Variants in ECH1 observed in about 807,000 individuals in gnomAD.
The protein encoded by ECH1 is delta(3,5)-Delta(2,4)-dienoyl-CoA isomerase, mitochondrial.
In ECH1, 30 loss-of-function variants were observed where a neutral mutation model predicts 37.0. That is an observed-to-expected ratio of 0.81 (90% CI 0.61 to 1.10). The LOEUF (loss-of-function observed/expected upper bound fraction) is 1.10. Among genes scored for constraint, ECH1 ranks in the 50% least tolerant of loss-of-function variants. The pLI is 0.00. For synonymous variants in ECH1, 178 were observed against 176.0 expected, an observed-to-expected ratio of 1.01 and a Z score of -0.09; for missense variants, 456 against 441.6, an observed-to-expected ratio of 1.03 and a Z score of -0.29.
intron 3 of ECH1, 118 bp downstream of exon 3, chr19:38,830,960 A>G (rs1324721971): frequency 6.2e-6 from 6 of 967,800 alleles, no homozygotes; most frequent in Non-Finnish European, 6.0e-6. Context: ...GTCTCAAAAA[A>G]AAAAAAAAAA....
At chr19:38,821,059 G>C (rs1353497574) in intron 3 of ECH1, among the ~76,000 whole-genome samples, 1 of 152,184 alleles carries the variant, frequency 6.6e-6, no homozygotes, top group Admixed American at 6.5e-5. Context: ...CAGGAGGATC[G>C]CTTTAGATCA....
chr19:38,825,846 A>G (rs1360292162), intron 3 of ECH1, among the ~76,000 whole-genome samples: 1 of 152,212 alleles, frequency 6.6e-6, no homozygotes, highest in East Asian at 1.9e-4. Context: ...CCAGCGGACG[A>G]AGGTTCCCTA....
At chr19:38,816,103 C>A in intron 8 of ECH1, 96 bp from the exon 9 acceptor site, 2 of 1,550,100 alleles carry the variant, frequency 1.3e-6, no homozygotes, top group South Asian at 1.2e-5. Flanking sequence ...GAGGAAGGCC[C>A]AAGACCCCAG....
chr19:38,819,458 A>C (rs1971630178), intron 3 of ECH1, among the ~76,000 whole-genome samples: 1 of 151,932 alleles, frequency 6.6e-6, no homozygotes, highest in Non-Finnish European at 1.5e-5. Context: ...TCCTATAATT[A>C]GGTCCTTATC....
In ECH1 at chr19:38,817,572, A is replaced by G. The variant is rs760458997; in HGVS notation, c.353T>C (p.Ile118Thr). The change falls in exon 4 of 10, where the codon ATT (isoleucine) becomes ACT (threonine). Residue 118 changes from isoleucine (I) to threonine (T), a missense_variant. Physicochemically the swap from Ile to Thr is moderately conservative, Grantham distance 89 (BLOSUM62 -1). Transcript: ENST00000221418. ...SGAGKMFTAG[I>T]DLMDMASDIL... Reference sequence around the variant, plus strand: ...GTCCGAAGCCATGTCCATCAGGTCAATACCTGGTGAGAAGGCATGATGGAG... The same window carrying G: ...GTCCGAAGCCATGTCCATCAGGTCAGTACCTGGTGAGAAGGCATGATGGAG... 1.3e-5 allele frequency: 20 copies of G among 1,595,968 alleles called. No homozygotes were observed. Among genetic ancestry groups the G allele is most frequent in the Admixed American group, 1.7e-5 (1 of 59,616 alleles).
chr19:38,831,183 G>T lies in ECH1; in HGVS notation c.261-17C>A, dbSNP rs1225182879. On this transcript the variant is annotated splice_polypyrimidine_tract_variant and intron_variant, in intron 2 of 9. Coordinates refer to ENST00000221418, the MANE Select transcript of ECH1 (RefSeq NM_001398.3). ...ACCATCTCTCTGTGAAGCAACGAGTGAAGGGTTACAAATGGGGCGGGAATA... is the reference window on the plus strand; with the variant it reads ...ACCATCTCTCTGTGAAGCAACGAGTTAAGGGTTACAAATGGGGCGGGAATA... 6.2e-7 allele frequency: 1 copy of T among 1,613,878 alleles called. No individual in the cohort carries two copies. The highest frequency in any genetic ancestry group is 1.1e-5 in the South Asian group (1 of 91,080).
Position 38,817,469 on chromosome 19 carries a change from G to T in ECH1, c.456C>A (p.Thr152=). The T allele has an allele frequency of 6.2e-7, 1 of 1,613,876 alleles. No individual in the cohort carries two copies. Among genetic ancestry groups the T allele is most frequent in the Non-Finnish European group, 8.5e-7 (1 of 1,179,918 alleles). ...LRDIITRYQE[T]FNVIERCPKP... ...GAGTCACCCTCTCGATGACGTTGAAGGTCTCCTGGTATCGAGTGATGATGT... is the reference window on the plus strand; with the variant it reads ...GAGTCACCCTCTCGATGACGTTGAATGTCTCCTGGTATCGAGTGATGATGT... The change falls in exon 4 of 10, where the codon ACC becomes ACA. Residue 152 remains threonine (T), a synonymous_variant. Transcript: ENST00000221418.
chr19:38,831,035 G>A (rs755293417), intron 3 of ECH1, 43 bp downstream of exon 3: 54 of 1,576,108 alleles, frequency 3.4e-5, no homozygotes, highest in Non-Finnish European at 4.1e-5. Flanking sequence ...TCTATTGCCA[G>A]GAGCTAGGAA....
intron 3 of ECH1, among the ~76,000 whole-genome samples, chr19:38,828,650 A>G (rs1971771913): frequency 6.9e-6 from 1 of 144,710 alleles, no homozygotes; most frequent in Non-Finnish European, 1.5e-5. Context: ...GAGTCTCGCT[A>G]TGTCACCCAG....
intron 1 of ECH1, 45 bp from the exon 2 acceptor site, chr19:38,831,561 A>G (rs1344236526): frequency 1.9e-6 from 3 of 1,581,690 alleles, no homozygotes; most frequent in Non-Finnish European, 2.6e-6. Flanking sequence ...ACTGCAAGAC[A>G]CAGGCCTATC....
At chr19:38,828,591 G>C (rs1191251090) in intron 3 of ECH1, among the ~76,000 whole-genome samples, 1 of 151,522 alleles carries the variant, frequency 6.6e-6, no homozygotes, top group Non-Finnish European at 1.5e-5. Flanking sequence ...CAGATGTTGA[G>C]ATTAGAAGAT....
intron 3 of ECH1, among the ~76,000 whole-genome samples, chr19:38,828,981 G>C (rs1410430279): frequency 6.7e-6 from 1 of 148,180 alleles, no homozygotes; most frequent in African/African-American, 2.5e-5. Context: ...AGAAAAACAT[G>C]CATGACAAAA....
chr19:38,825,034 G>A (rs1971718893), intron 3 of ECH1, among the ~76,000 whole-genome samples: 1 of 152,238 alleles, frequency 6.6e-6, no homozygotes, highest in African/African-American at 2.4e-5. Context: ...ATGCCCTACA[G>A]GGTCTAGGGC....
At chr19:38,820,850 G>A (rs1299590561) in intron 3 of ECH1, among the ~76,000 whole-genome samples, 1 of 152,170 alleles carries the variant, frequency 6.6e-6, no homozygotes, top group Non-Finnish European at 1.5e-5. Context: ...GAGAGCAAGG[G>A]GTCAGGAATC....
At chr19:38,831,629 C>T in intron 1 of ECH1, 92 bp downstream of exon 1, 1 of 1,577,250 alleles carries the variant, frequency 6.3e-7, no homozygotes, top group Non-Finnish European at 8.6e-7. Flanking sequence ...GGGACTCGGG[C>T]CCTTCGTGAC....
intron 3 of ECH1, among the ~76,000 whole-genome samples, chr19:38,829,073 C>A (rs1160153132): frequency 2.7e-5 from 4 of 150,476 alleles, no homozygotes; most frequent in African/African-American, 9.7e-5. Context: ...TCACTGGAGG[C>A]CAGGAGTTCA....
intron 3 of ECH1, among the ~76,000 whole-genome samples, chr19:38,825,316 G>A (rs1264391558): frequency 6.6e-6 from 1 of 152,180 alleles, no homozygotes; most frequent in African/African-American, 2.4e-5. Flanking sequence ...AAGGACTAAG[G>A]AGAATTAGAA....
chr19:38,816,500 G>A lies in ECH1; in HGVS notation c.612C>T (p.Ala204=), dbSNP rs760439713. ...GCAGGCGCTGCAGTGTTCCTACATCGGCAGCCAAACCCACGTCCACCTCCT... is the reference window on the plus strand; with the variant it reads ...GCAGGCGCTGCAGTGTTCCTACATCAGCAGCCAAACCCACGTCCACCTCCT... ...QVKEVDVGLA[A]DVGTLQRLPK... The change falls in exon 7 of 10, where the codon GCC becomes GCT. Residue 204 remains alanine (A), a synonymous_variant. Coordinates refer to ENST00000221418, the MANE Select transcript of ECH1 (RefSeq NM_001398.3). 14 of 1,613,950 alleles carry A rather than the reference G, an allele frequency of 8.7e-6. No individual in the cohort carries two copies. Among genetic ancestry groups the A allele is most frequent in the African/African-American group, 1.3e-5 (1 of 74,890 alleles).
intron 3 of ECH1, 160 bp downstream of exon 3, chr19:38,830,918 T>C (rs899686512): frequency 5.9e-5 from 38 of 639,770 alleles, no homozygotes; most frequent in Non-Finnish European, 9.4e-5. Flanking sequence ...ATTGCGCTAC[T>C]GCACTCCAGC....
Sources: gnomAD v4.1 joint callset for allele counts (sites outside exome capture counted in the v4.1 genomes callset) on GRCh38, gnomAD v4.1.1 for gene constraint, MANE v1.5 for transcripts, NCBI Gene and HGNC (gene_info 2026-07-23, HGNC 2026-07-21) for gene names.